Variants in PBRM1 observed in about 807,000 individuals in gnomAD.
PBRM1 encodes the protein polybromo 1.
PBRM1 carries 27 observed loss-of-function variants against 194.5 expected under a neutral mutation model. The ratio of observed to expected loss-of-function variants is 0.14; its 90% CI spans 0.10 to 0.19. The LOEUF is 0.19. Ranked by LOEUF, PBRM1 falls within the 10% of genes least tolerant of loss-of-function variation. The probability of loss-of-function intolerance (pLI) is 1.00; values close to 1 mark genes in which losing one functional copy is unlikely to be tolerated. For missense variants in PBRM1, 1,466 were observed against 2,077.2 expected, an observed-to-expected ratio of 0.71 and a Z score of 5.72; for synonymous variants, 655 against 693.2, an observed-to-expected ratio of 0.94 and a Z score of 0.87.
upstream of PBRM1, among the ~76,000 whole-genome samples, chr3:52,684,448 A>G (rs1037286024): frequency 2.0e-5 from 3 of 152,222 alleles, no homozygotes; most frequent in Non-Finnish European, 4.4e-5. Flanking sequence ...AGTAATATTT[A>G]GCAATACAAT....
chr3:52,550,100 C>T (rs574678246), intron 29 of PBRM1, among the ~76,000 whole-genome samples: 3 of 152,016 alleles, frequency 2.0e-5, no homozygotes, highest in Non-Finnish European at 4.4e-5. Context: ...TGCCTGTAAT[C>T]CCAGCTACTG....
chr3:52,619,983 T>C (rs922970070), intron 13 of PBRM1, among the ~76,000 whole-genome samples: 1 of 152,234 alleles, frequency 6.6e-6, no homozygotes. Context: ...AGACAATTCC[T>C]GCCATTTTCT....
At chr3:52,596,468 A>AG (rs2093565899) in intron 17 of PBRM1, among the ~76,000 whole-genome samples, 4 of 122,342 alleles carry the variant, frequency 3.3e-5, no homozygotes, top group Admixed American at 9.3e-5. Flanking sequence ...AAAAAAAAAA[A>AG]AAAAAAAAAA....
chr3:52,634,917 T>C lies in PBRM1; in HGVS notation c.1088-102A>G, dbSNP rs2095751083. The C allele has an allele frequency of 3.8e-6, 3 of 794,756 alleles. No individual in the cohort carries two copies. The South Asian group carries it at 5.2e-5, about 14-fold the overall frequency. 49.2% of individuals were successfully genotyped at this position (794,756 alleles called of 1,614,324 possible). On this transcript the variant is annotated intron_variant, in intron 10 of 29. Coordinates refer to ENST00000296302, the Ensembl canonical transcript of PBRM1. ...ACCTTCCAGATTGAACTAAATATAT[T>C]TGAAAACTATTATTACTATTATTTT... is the stretch of plus-strand genomic sequence containing the variant.
intron 20 of PBRM1, among the ~76,000 whole-genome samples, chr3:52,579,837 G>A (rs1039501862): frequency 6.6e-6 from 1 of 152,174 alleles, no homozygotes; most frequent in African/African-American, 2.4e-5. Context: ...GGATTTATCG[G>A]TATTTAAAAG....
At chr3:52,586,577 G>A (rs766154467) in exon 20 of PBRM1, 1 of 1,613,986 alleles carries the variant, frequency 6.2e-7, no homozygotes, top group Non-Finnish European at 8.5e-7. Flanking sequence ...GAGCTGATGG[G>A]CATGGTCCAC....
intron 4 of PBRM1, among the ~76,000 whole-genome samples, chr3:52,660,636 C>A (rs1450430269): frequency 1.3e-5 from 2 of 151,980 alleles, no homozygotes; most frequent in African/African-American, 4.8e-5. Flanking sequence ...CCTCAGCCTC[C>A]CGAGTAGCAG....
At chr3:52,654,824 G>T (rs1006699921) in intron 5 of PBRM1, among the ~76,000 whole-genome samples, 1 of 152,056 alleles carries the variant, frequency 6.6e-6, no homozygotes, top group East Asian at 1.9e-4. Context: ...GTCTCTTTCT[G>T]TTGCCTAGGT....
intron 22 of PBRM1, among the ~76,000 whole-genome samples, chr3:52,573,294 T>C (rs534007714): frequency 1.1e-4 from 17 of 152,060 alleles, no homozygotes; most frequent in African/African-American, 2.4e-4. Flanking sequence ...TTCTTTCTTT[T>C]TTTTTTTTGT....
exon 20 of PBRM1, chr3:52,586,536 C>A (rs1380042207): frequency 1.9e-6 from 3 of 1,614,082 alleles, no homozygotes; most frequent in Non-Finnish European, 2.5e-6. Flanking sequence ...GAACCACAGG[C>A]AGAGGCACAT....
chr3:52,668,458 T>A (rs1382947813), intron 3 of PBRM1, 40 bp downstream of exon 4: 3 of 1,417,770 alleles, frequency 2.1e-6, no homozygotes, highest in Non-Finnish European at 2.9e-6. Flanking sequence ...CAAATTGGTA[T>A]CTTCCAATTG....
intron 2 of PBRM1, 71 bp from the exon 4 acceptor site, chr3:52,668,716 T>C: frequency 1.2e-6 from 1 of 837,118 alleles, no homozygotes; most frequent in South Asian, 2.2e-5. Flanking sequence ...CAAAACTATT[T>C]ATGGTAATGT....
chr3:52,628,812 C>T (rs1330581649), intron 12 of PBRM1, 82 bp downstream of exon 13: 3 of 1,263,106 alleles, frequency 2.4e-6, no homozygotes, highest in African/African-American at 3.0e-5. Context: ...GGGGATCACA[C>T]ATCTTACTAG....
chr3:52,673,219 C>T (rs2096992114), intron 2 of PBRM1, among the ~76,000 whole-genome samples: 1 of 150,440 alleles, frequency 6.6e-6, no homozygotes, highest in Non-Finnish European at 1.5e-5. Flanking sequence ...AACTCCTGAC[C>T]TCAAGTGATC....
exon 21 of PBRM1, chr3:52,579,121 T>C (rs1306278787): frequency 6.2e-7 from 1 of 1,614,078 alleles, no homozygotes; most frequent in Non-Finnish European, 8.5e-7. Flanking sequence ...TTCAGCCACA[T>C]GTCATTGTAA....
chr3:52,634,788 T>G, exon 11 of PBRM1: 1 of 1,614,034 alleles, frequency 6.2e-7, no homozygotes, highest in Non-Finnish European at 8.5e-7. Context: ...GCTTTCTGCT[T>G]CTGACTCTCC....
chr3:52,625,404 C>G (rs1186195673), intron 13 of PBRM1, among the ~76,000 whole-genome samples: 12 of 152,146 alleles, frequency 7.9e-5, no homozygotes, highest in Non-Finnish European at 1.3e-4. Context: ...AACGTCCACT[C>G]ATGTCTACAT....
In PBRM1 at chr3:52,615,364, G is replaced by A. The variant is rs201901003; in HGVS notation, c.1911C>T (p.Pro637=). The change falls in exon 15 of 30, where the codon CCC becomes CCT. Residue 637 remains proline, a synonymous_variant. Transcript: ENST00000296302. ...AGGCTGCCTTACTCAGCTTGAGTTT[G>A]GGAGAAGCCATGTCATCATCATCAG... is the stretch of plus-strand genomic sequence containing the variant. 72 of 1,602,928 alleles carry A rather than the reference G, an allele frequency of 4.5e-5. 1 individual carries two copies. In the Admixed American group the frequency reaches 9.7e-4, roughly 22 times the overall value.
intron 2 of PBRM1, among the ~76,000 whole-genome samples, chr3:52,676,138 A>G (rs1265253794): frequency 3.7e-4 from 11 of 29,950 alleles, no homozygotes; most frequent in Non-Finnish European, 6.4e-4. Context: ...AAAAAAAAAA[A>G]AAAAAAAAAA....
Sources: gnomAD v4.1 joint callset for allele counts (sites outside exome capture counted in the v4.1 genomes callset) on GRCh38, gnomAD v4.1.1 for gene constraint, MANE v1.5 for transcripts, NCBI Gene and HGNC (gene_info 2026-07-23, HGNC 2026-07-21) for gene names.